Variants in RHOBTB2 observed in about 807,000 individuals in gnomAD.
The protein encoded by RHOBTB2 is Rho related BTB domain containing 2.
A neutral mutation model predicts 66.5 loss-of-function variants in RHOBTB2; 39 were observed. The ratio of observed to expected loss-of-function variants is 0.59; its 90% CI spans 0.45 to 0.77. The LOEUF (loss-of-function observed/expected upper bound fraction) is 0.77. RHOBTB2 is among the 30% of genes least tolerant of loss of function. RHOBTB2 has a pLI of 0.00. For synonymous variants in RHOBTB2, 390 were observed against 395.0 expected (o/e 0.99, Z 0.15); for missense variants, 755 against 999.1 (o/e 0.76, Z 3.29).
the RHOBTB2 span, among the ~76,000 whole-genome samples, chr8:22,978,589 T>C: frequency 6.6e-6 from 1 of 150,834 alleles, no homozygotes; most frequent in African/African-American, 2.4e-5. Flanking sequence ...TTTTTTTTAG[T>C]TTTTTTTATG....
chr8:23,009,502 G>A (rs951859274), intron 6 of RHOBTB2, among the ~76,000 whole-genome samples: 1 of 152,138 alleles, frequency 6.6e-6, no homozygotes, highest in Non-Finnish European at 1.5e-5. Context: ...GTGCAGGCGC[G>A]TGGAGTTCTG....
chr8:22,971,391 C>T, the RHOBTB2 span, among the ~76,000 whole-genome samples: 1 of 151,728 alleles, frequency 6.6e-6, no homozygotes, highest in African/African-American at 2.4e-5. Flanking sequence ...TGCTATGTTG[C>T]CCAGGCTGGT....
the RHOBTB2 span, among the ~76,000 whole-genome samples, chr8:22,951,104 A>G: frequency 6.6e-6 from 1 of 152,278 alleles, no homozygotes; most frequent in Admixed American, 6.5e-5. Context: ...CTCTTAACTG[A>G]TATCAGTACT....
upstream of RHOBTB2, chr8:22,999,487 C>T (rs907301196): frequency 6.4e-5 from 59 of 920,828 alleles, no homozygotes; most frequent in Non-Finnish European, 7.1e-5. Context: ...TCCCCTTCTT[C>T]CCCCGCCCGC....
chr8:23,012,618 T>A (rs1198996041), intron 7 of RHOBTB2, among the ~76,000 whole-genome samples: 5 of 152,186 alleles, frequency 3.3e-5, no homozygotes, highest in African/African-American at 1.2e-4. Context: ...TGAATTACTA[T>A]TGTTATTATG....
At chr8:22,995,796 T>TG (rs1810534170), upstream of RHOBTB2, 10 of 1,517,464 alleles carry the variant, frequency 6.6e-6, no homozygotes, top group Middle Eastern at 1.7e-4. Context: ...TGGCAGGGGA[T>TG]GGGGGGCGGA....
the RHOBTB2 span, among the ~76,000 whole-genome samples, chr8:22,959,313 C>A: frequency 5.3e-5 from 8 of 152,312 alleles, no homozygotes; most frequent in East Asian, 1.5e-3. Flanking sequence ...GTGGTGCGAT[C>A]TCGGCTTACT....
the RHOBTB2 span, among the ~76,000 whole-genome samples, chr8:22,976,105 C>G: frequency 2.6e-5 from 4 of 152,036 alleles, no homozygotes; most frequent in African/African-American, 9.7e-5. Context: ...AAGATCATGC[C>G]ATTGCACTCC....
chr8:22,981,994 A>G, the RHOBTB2 span, among the ~76,000 whole-genome samples: 2 of 152,152 alleles, frequency 1.3e-5, no homozygotes, highest in African/African-American at 2.4e-5. Flanking sequence ...AAGGCCCTCA[A>G]TGTATAAATG....
At chr8:23,010,007 CCTTA>C (rs1244664415) in intron 6 of RHOBTB2, among the ~76,000 whole-genome samples, 5 of 152,156 alleles carry the variant, frequency 3.3e-5, no homozygotes, top group Admixed American at 1.3e-4. Context: ...CTGCTGTGGG[CCTTA>C]CTTATTCTGT....
At position 23,020,055 on chromosome 8, in the gene RHOBTB2, A is replaced by T; in HGVS notation, c.*2586A>T. The T allele has an allele frequency of 2.9e-6, 1 of 347,326 alleles. No individual in the cohort carries two copies. Among genetic ancestry groups the T allele is most frequent in the Non-Finnish European group, 5.6e-6 (1 of 177,456 alleles). 21.5% of individuals were successfully genotyped at this position (347,326 alleles called of 1,614,324 possible). A position where few individuals can be genotyped will look rare whatever the true frequency, so the allele number is the denominator to read the frequency against. On this transcript the variant is annotated 3_prime_UTR_variant, in exon 10 of 10. Coordinates refer to ENST00000251822, the MANE Select transcript of RHOBTB2 (RefSeq NM_015178.3). The stretch of plus-strand genomic sequence containing the variant: ...AAGGAAGGAGTCCCAGCAGGAGCAC[A>T]GCCCTGGTTTCCTGTCACTCAGAGC...
chr8:22,962,245 T>G, the RHOBTB2 span, among the ~76,000 whole-genome samples: 13 of 23,596 alleles, frequency 5.5e-4, no homozygotes, highest in Non-Finnish European at 8.3e-4. Context: ...CACAAAGAGA[T>G]AAATTAAAAT....
chr8:23,016,402 A>T (rs183377385), intron 9 of RHOBTB2, among the ~76,000 whole-genome samples: 2,267 of 151,914 alleles, frequency 0.015, 26 homozygotes, highest in Non-Finnish European at 0.024. Context: ...AACACTTTTA[A>T]AAAAAAATTA....
At chr8:22,994,785 A>T (rs1230357896), upstream of RHOBTB2, 1 of 643,988 alleles carries the variant, frequency 1.6e-6, no homozygotes, top group Non-Finnish European at 2.7e-6. Context: ...TCTTTTTGAG[A>T]CAGAGTCTCA....
the RHOBTB2 span, among the ~76,000 whole-genome samples, chr8:22,979,898 T>C: frequency 4.0e-3 from 600 of 151,470 alleles, 4 homozygotes; most frequent in African/African-American, 0.014. Flanking sequence ...GCTGGGACTA[T>C]AGGCGCGTGC....
the RHOBTB2 span, among the ~76,000 whole-genome samples, chr8:22,979,244 T>C: frequency 6.6e-6 from 1 of 152,220 alleles, no homozygotes; most frequent in Non-Finnish European, 1.5e-5. Flanking sequence ...ATTAATTTGT[T>C]TATTATTTTG....
At chr8:22,972,527 C>T in the RHOBTB2 span, among the ~76,000 whole-genome samples, 1 of 152,218 alleles carries the variant, frequency 6.6e-6, no homozygotes, top group Admixed American at 6.5e-5. Context: ...TGCTATGCCT[C>T]CAGTCTCACC....
At chr8:22,960,001 T>TAAAAA in the RHOBTB2 span, among the ~76,000 whole-genome samples, 1 of 104,784 alleles carries the variant, frequency 9.5e-6, no homozygotes, top group East Asian at 2.7e-4. Context: ...CCATCTCTAC[T>TAAAAA]AAAAAAAAAA....
At chr8:22,965,412 G>A in the RHOBTB2 span, among the ~76,000 whole-genome samples, 7 of 131,504 alleles carry the variant, frequency 5.3e-5, no homozygotes, top group Middle Eastern at 4.0e-3. Flanking sequence ...ATGCTTTTTT[G>A]CAGAAATAGA....
Sources: gnomAD v4.1 joint callset for allele counts (sites outside exome capture counted in the v4.1 genomes callset) on GRCh38, gnomAD v4.1.1 for gene constraint, MANE v1.5 for transcripts, NCBI Gene and HGNC (gene_info 2026-07-23, HGNC 2026-07-21) for gene names.